The following ST8SIA4 variants were observed in gnomAD, a reference collection of about 807,000 sequenced individuals.
ST8SIA4 encodes the protein CMP-N-acetylneuraminate-poly-alpha-2,8-sialyltransferase.
ST8SIA4 carries 15 observed loss-of-function variants against 33.9 expected under a neutral mutation model. The ratio of observed to expected loss-of-function variants is 0.44; its 90% confidence interval spans 0.30 to 0.68. The LOEUF is 0.68. Ranked by LOEUF, ST8SIA4 falls within the 30% of genes least tolerant of loss-of-function variation. ST8SIA4 has a pLI of 0.10. For missense variants in ST8SIA4, 321 were observed against 428.0 expected (o/e 0.75, Z 2.21); for synonymous variants, 171 against 151.2 (o/e 1.13, Z -0.96).
rs186544122 is a variant in ST8SIA4 at position 100,852,160 on chromosome 5, A to G, written c.797+3943T>C. On this transcript the variant is annotated intron_variant, in intron 4 of 4. Transcript: ENST00000231461. ...TTTTGAGACGGAGTATCACTGTGTC[A>G]TCCAGGCTGGAGTGCAGTAGCATGA... 5.2e-5 allele frequency among the ~76,000 whole-genome samples: 6 copies of G among 116,214 alleles called. No homozygotes were observed. The East Asian group carries it at 1.2e-3, about 24-fold the overall frequency. The allele number at this position is 116,214 out of a possible 152,430, so 76.2% of individuals were successfully genotyped here. A position where few individuals can be genotyped will look rare whatever the true frequency, so the allele number is the denominator to read the frequency against.
intron 4 of ST8SIA4, among the ~76,000 whole-genome samples, chr5:100,826,324 C>A (rs1353022674): frequency 6.6e-6 from 1 of 152,132 alleles, no homozygotes; most frequent in Admixed American, 6.5e-5. Flanking sequence ...AGAAGTTCTA[C>A]TTAAGTTTCA....
At position 100,816,526 on chromosome 5, in the gene ST8SIA4, G is replaced by T. The variant is rs768769326; in HGVS notation, c.798-4397C>A. 1.7e-5 allele frequency: 9 copies of T among 526,616 alleles called. No homozygotes were observed. The Admixed American group carries it at 1.8e-4, about 11-fold the overall frequency. 32.6% of individuals were successfully genotyped at this position (526,616 alleles called of 1,614,324 possible). A position where few individuals can be genotyped will look rare whatever the true frequency, so the allele number is the denominator to read the frequency against. On this transcript the variant is annotated intron_variant, in intron 4 of 4. Transcript: ENST00000231461. ...GTAACTGCAGTTTTTGCTATTGAAA[G>T]TAATGACAAAAACTGCAATTAATTT... is the stretch of plus-strand genomic sequence containing the variant.
Position 100,809,869 on chromosome 5 carries a change from A to G in ST8SIA4, c.*1978T>C, listed in dbSNP as rs1269693729. 2 of 152,162 alleles carry G rather than the reference A, an allele frequency of 1.3e-5. No individual in the cohort carries two copies. The highest frequency in any genetic ancestry group is 4.8e-5 in the African/African-American group (2 of 41,450). The allele number at this position is 152,162 out of a possible 1,614,324, so 9.4% of individuals were successfully genotyped here. A position where few individuals can be genotyped will look rare whatever the true frequency, so the allele number is the denominator to read the frequency against. ...ACATTCTCAAAAGATGTAATATTCT[A>G]TATCCCAAGGTTTTACTATATTAAA... is the stretch of plus-strand genomic sequence containing the variant. On this transcript the variant is annotated 3_prime_UTR_variant, in exon 5 of 5. Transcript: ENST00000231461.
At chr5:100,858,915 C>T (rs982023307) in intron 3 of ST8SIA4, among the ~76,000 whole-genome samples, 2 of 151,942 alleles carry the variant, frequency 1.3e-5, no homozygotes, top group African/African-American at 4.8e-5. Flanking sequence ...AAATACAACG[C>T]TTTGTGGTTT....
chr5:100,843,622 G>A (rs1160324274), intron 4 of ST8SIA4, among the ~76,000 whole-genome samples: 1 of 151,806 alleles, frequency 6.6e-6, no homozygotes, highest in East Asian at 1.9e-4. Context: ...AAAAGCAGCA[G>A]GCATTTACAC....
intron 2 of ST8SIA4, among the ~76,000 whole-genome samples, chr5:100,886,982 A>G (rs756314896): frequency 6.6e-6 from 1 of 152,100 alleles, no homozygotes; most frequent in Non-Finnish European, 1.5e-5. Flanking sequence ...TTTGATAGTC[A>G]TAAGTGTTGT....
chr5:100,860,705 T>C (rs1379690550), intron 3 of ST8SIA4, among the ~76,000 whole-genome samples: 1 of 152,206 alleles, frequency 6.6e-6, no homozygotes, highest in Non-Finnish European at 1.5e-5. Flanking sequence ...CACCATCTAG[T>C]TTGGAATCAT....
intron 2 of ST8SIA4, among the ~76,000 whole-genome samples, chr5:100,892,496 A>C (rs1752693693): frequency 6.6e-6 from 1 of 152,160 alleles, no homozygotes; most frequent in Admixed American, 6.6e-5. Context: ...TGTTTGATGA[A>C]TACATATGAA....
chr5:100,885,553 T>C (rs2112471772), intron 3 of ST8SIA4: 1 of 925,184 alleles, frequency 1.1e-6, no homozygotes, highest in East Asian at 1.2e-4. Flanking sequence ...CTTTATATTG[T>C]ACTATTTCAT....
intron 1 of ST8SIA4, among the ~76,000 whole-genome samples, chr5:100,897,332 T>A (rs1465160685): frequency 6.6e-6 from 1 of 152,204 alleles, no homozygotes; most frequent in Non-Finnish European, 1.5e-5. Context: ...AACATTTATA[T>A]CTGAATAAAT....
At chr5:100,884,114 G>A (rs1752486490) in intron 3 of ST8SIA4, among the ~76,000 whole-genome samples, 2 of 152,140 alleles carry the variant, frequency 1.3e-5, no homozygotes, top group African/African-American at 4.8e-5. Context: ...CTGGAGTTGG[G>A]TTACTACAGG....
At chr5:100,853,434 G>C (rs1751745550) in intron 4 of ST8SIA4, among the ~76,000 whole-genome samples, 1 of 152,024 alleles carries the variant, frequency 6.6e-6, no homozygotes, top group African/African-American at 2.4e-5. Context: ...ACTTTAAGAG[G>C]GTATATGTAG....
chr5:100,848,146 A>C (rs1751607742), intron 4 of ST8SIA4, among the ~76,000 whole-genome samples: 1 of 151,950 alleles, frequency 6.6e-6, no homozygotes, highest in Admixed American at 6.6e-5. Context: ...AAACACCAAC[A>C]ACAGAAATAT....
At chr5:100,824,869 G>A (rs1266557723) in intron 4 of ST8SIA4, among the ~76,000 whole-genome samples, 2 of 145,864 alleles carry the variant, frequency 1.4e-5, no homozygotes, top group Non-Finnish European at 3.0e-5. Context: ...AGACCAGCCT[G>A]GGCAACATAG....
At chr5:100,834,645 T>C (rs546026870) in intron 4 of ST8SIA4, among the ~76,000 whole-genome samples, 47 of 152,014 alleles carry the variant, frequency 3.1e-4, no homozygotes, top group Non-Finnish European at 6.5e-4. Context: ...TTGTGAGAGG[T>C]GATTGGATCA....
At chr5:100,837,201 C>T (rs1751381589) in intron 4 of ST8SIA4, among the ~76,000 whole-genome samples, 1 of 151,948 alleles carries the variant, frequency 6.6e-6, no homozygotes, top group Non-Finnish European at 1.5e-5. Context: ...AATTTAAATA[C>T]TTTTTCTTTG....
chr5:100,900,440 G>A (rs751413976), intron 1 of ST8SIA4: 68 of 456,252 alleles, frequency 1.5e-4, no homozygotes, highest in Middle Eastern at 9.8e-4. Flanking sequence ...ATGGTTTTAT[G>A]AGTCAACTCC....
chr5:100,898,903 A>G (rs534301825), intron 1 of ST8SIA4, among the ~76,000 whole-genome samples: 106 of 152,368 alleles, frequency 7.0e-4, no homozygotes, highest in South Asian at 3.7e-3. Context: ...ATCACTCCAC[A>G]TAAATCAATA....
intron 4 of ST8SIA4, among the ~76,000 whole-genome samples, chr5:100,853,846 A>C (rs1250472516): frequency 2.6e-5 from 4 of 152,194 alleles, no homozygotes; most frequent in Non-Finnish European, 4.4e-5. Flanking sequence ...AATATAAACC[A>C]AAATCTAGGA....
Sources: allele counts gnomAD v4.1 joint callset (sites outside exome capture counted in the v4.1 genomes callset), GRCh38; gene constraint gnomAD v4.1.1; transcripts MANE v1.5; gene names NCBI Gene and HGNC (gene_info 2026-07-23, HGNC 2026-07-21).